The following WDR41 variants were observed in gnomAD, a reference collection of about 807,000 sequenced individuals.
WDR41 encodes WD repeat domain 41, also known as WD repeat-containing protein 41.
In WDR41, 63 loss-of-function variants were observed where a neutral mutation model predicts 69.3. The observed-to-expected ratio is 0.91, with a 90% CI of 0.74 to 1.12. WDR41 has a LOEUF of 1.12. WDR41 is among the 50% of genes most tolerant of loss of function. The pLI is 0.00. For synonymous variants in WDR41, 185 were observed against 192.1 expected (o/e 0.96, Z 0.31); for missense variants, 543 against 534.5 (o/e 1.02, Z -0.16).
At chr5:77,594,348 A>G (rs898507459) in intron 1 of WDR41, among the ~76,000 whole-genome samples, 20 of 151,898 alleles carry the variant, frequency 1.3e-4, no homozygotes, top group South Asian at 2.1e-4. Flanking sequence ...ACACCAACAT[A>G]GCACATGTAT....
At chr5:77,568,798 C>T (rs1743682333) in intron 1 of WDR41, among the ~76,000 whole-genome samples, 1 of 152,166 alleles carries the variant, frequency 6.6e-6, no homozygotes, top group African/African-American at 2.4e-5. Context: ...ACTATCCTCT[C>T]CCAGAAAAGC....
At chr5:77,505,584 T>G (rs1802092863) in intron 1 of WDR41, among the ~76,000 whole-genome samples, 1 of 151,984 alleles carries the variant, frequency 6.6e-6, no homozygotes, top group Non-Finnish European at 1.5e-5. Flanking sequence ...GCCAAGACAA[T>G]CCTAAGCAAA....
At chr5:77,619,033 A>G (rs939046210) in intron 1 of WDR41, among the ~76,000 whole-genome samples, 14 of 152,194 alleles carry the variant, frequency 9.2e-5, no homozygotes, top group African/African-American at 3.1e-4. Context: ...GATACAGCCT[A>G]CCTGACACTA....
rs1313983231 is a variant in WDR41, at chr5:77,488,677, A to G, written c.167+780T>C. Among the ~76,000 whole-genome samples the G allele has an allele frequency of 2.0e-5, 3 of 152,202 alleles. No individual in the cohort carries two copies. In the East Asian group the frequency reaches 5.8e-4, roughly 29 times the overall value. ...TGGATGCTTAGTAGTCTGGAGAGTC[A>G]TTCATTCACTCAGCCACCATCTATG... On this transcript the variant is annotated intron_variant, in intron 2 of 12. Coordinates refer to ENST00000296679, the MANE Select transcript of WDR41 (RefSeq NM_018268.4).
chr5:77,599,252 A>G (rs189112625), intron 1 of WDR41, among the ~76,000 whole-genome samples: 14 of 136,952 alleles, frequency 1.0e-4, no homozygotes, highest in African/African-American at 3.5e-4. Context: ...CCAGGCTGGA[A>G]TACAGTGGTA....
chr5:77,438,210 ATC>A (rs757794729), intron 10 of WDR41, 28 bp downstream of exon 10: 9 of 1,612,874 alleles, frequency 5.6e-6, no homozygotes, highest in Non-Finnish European at 7.6e-6. Flanking sequence ...ACTTGCTTTC[ATC>A]TATTGCAGAA....
intron 8 of WDR41, among the ~76,000 whole-genome samples, chr5:77,445,899 A>G (rs1458364380): frequency 6.6e-6 from 1 of 152,176 alleles, no homozygotes; most frequent in Non-Finnish European, 1.5e-5. Context: ...CTCCTATTCA[A>G]CATAGTGTTG....
intron 8 of WDR41, among the ~76,000 whole-genome samples, chr5:77,446,457 C>T (rs907153933): frequency 6.6e-6 from 1 of 152,016 alleles, no homozygotes; most frequent in East Asian, 1.9e-4. Context: ...AAGAAGACCC[C>T]GTATAGCCAA....
chr5:77,558,304 T>C (rs1743451322), intron 1 of WDR41, among the ~76,000 whole-genome samples: 1 of 152,166 alleles, frequency 6.6e-6, no homozygotes, highest in Non-Finnish European at 1.5e-5. Context: ...AGCTTTTCCT[T>C]GTGCATGAGT....
At chr5:77,499,872 T>C (rs1801991333) in intron 1 of WDR41, among the ~76,000 whole-genome samples, 1 of 152,004 alleles carries the variant, frequency 6.6e-6, no homozygotes, top group African/African-American at 2.4e-5. Context: ...GATAACACTG[T>C]AAAGGCATTA....
intron 1 of WDR41, among the ~76,000 whole-genome samples, chr5:77,512,341 A>C (rs1366042990): frequency 7.9e-6 from 1 of 126,820 alleles, no homozygotes; most frequent in Non-Finnish European, 1.6e-5. Context: ...TGAGAGAGAG[A>C]GAGAGAGAGA....
chr5:77,439,089 A>G lies in WDR41; in HGVS notation c.883-728T>C, dbSNP rs184535097. ...AAACATGGAGTCAATATTAGAATCA[A>G]GGTCATGTTACTCCAGTCCCTTGCT... is the stretch of plus-strand genomic sequence containing the variant. On this transcript the variant is annotated intron_variant, in intron 9 of 12. Transcript: ENST00000296679. Among the ~76,000 whole-genome samples the G allele has an allele frequency of 4.4e-3, 674 of 152,320 alleles. 7 individuals are homozygous for G. The highest frequency in any genetic ancestry group is 3.2e-3 in the Non-Finnish European group (221 of 68,026).
At chr5:77,500,620 C>T (rs1053938972) in intron 1 of WDR41, among the ~76,000 whole-genome samples, 4 of 152,170 alleles carry the variant, frequency 2.6e-5, no homozygotes, top group Non-Finnish European at 4.4e-5. Context: ...TTACCAAAAT[C>T]TGTTCAAGCT....
chr5:77,612,140 A>T lies in WDR41; in HGVS notation c.42+8339T>A, dbSNP rs1162798765. Among the ~76,000 whole-genome samples the T allele has an allele frequency of 2.6e-5, 4 of 152,132 alleles. No individual in the cohort carries two copies. The East Asian group carries it at 5.8e-4, about 22-fold the overall frequency. ...ACCAATAACAGGCTCTGAAATTGTG[A>T]CGATAATCAATAGTTTACCAACCAA... is the stretch of plus-strand genomic sequence containing the variant. On this transcript the variant is annotated intron_variant, in intron 1 of 5. Coordinates refer to the WDR41 transcript ENST00000509971.
intron 1 of WDR41, among the ~76,000 whole-genome samples, chr5:77,512,806 A>G (rs1802230901): frequency 6.6e-6 from 1 of 151,454 alleles, no homozygotes. Context: ...TAGGAAAATG[A>G]TGTTTAAAAT....
intron 2 of WDR41, among the ~76,000 whole-genome samples, chr5:77,475,645 G>A (rs939730601): frequency 4.6e-5 from 7 of 152,036 alleles, no homozygotes; most frequent in African/African-American, 1.7e-4. Context: ...AAACACAAAG[G>A]ACATCCACAC....
intron 1 of WDR41, among the ~76,000 whole-genome samples, chr5:77,569,003 A>G (rs1456752992): frequency 6.6e-6 from 1 of 152,150 alleles, no homozygotes; most frequent in African/African-American, 2.4e-5. Flanking sequence ...ACGTCACCCC[A>G]TCGCTGTGCC....
At chr5:77,609,726 T>G (rs1380924911) in intron 1 of WDR41, among the ~76,000 whole-genome samples, 1 of 151,982 alleles carries the variant, frequency 6.6e-6, no homozygotes, top group African/African-American at 2.4e-5. Flanking sequence ...GCAGAAAAAC[T>G]GGAAACTCTA....
chr5:77,467,316 T>C (rs1800350030), intron 2 of WDR41, among the ~76,000 whole-genome samples: 1 of 151,954 alleles, frequency 6.6e-6, no homozygotes, highest in South Asian at 2.1e-4. Flanking sequence ...TCTTTACCGA[T>C]TAGCAAAAAA....
Sources: allele counts gnomAD v4.1 joint callset (sites outside exome capture counted in the v4.1 genomes callset), GRCh38; gene constraint gnomAD v4.1.1; transcripts MANE v1.5; gene names NCBI Gene and HGNC (gene_info 2026-07-23, HGNC 2026-07-21).